The following EIF4G3 variants were observed in gnomAD, a reference collection of about 807,000 sequenced individuals.
EIF4G3 encodes the protein eukaryotic translation initiation factor 4 gamma 3, also known as eIF-4-gamma 3.
Under a neutral mutation model 186.4 loss-of-function variants are expected in EIF4G3, and 34 were observed. The observed-to-expected ratio is 0.18, with a 90% confidence interval of 0.14 to 0.24. EIF4G3 has a LOEUF of 0.24. Ranked by LOEUF, EIF4G3 falls within the 10% of genes least tolerant of loss-of-function variation. EIF4G3 has a pLI of 1.00. For synonymous variants in EIF4G3, 673 were observed against 679.5 expected, an observed-to-expected ratio of 0.99 and a Z score of 0.15; for missense variants, 1,536 against 1,948.5, an observed-to-expected ratio of 0.79 and a Z score of 3.99.
At chr1:20,808,016 T>C (rs533963630) in intron 36 of EIF4G3, among the ~76,000 whole-genome samples, 2 of 152,108 alleles carry the variant, frequency 1.3e-5, no homozygotes, top group East Asian at 3.9e-4. Context: ...CCCAAGTACC[T>C]GGGATTACAG....
intron 3 of EIF4G3, among the ~76,000 whole-genome samples, chr1:21,075,116 A>G (rs2095546739): frequency 6.6e-6 from 1 of 151,304 alleles, no homozygotes; most frequent in South Asian, 2.1e-4. Context: ...GATATACAAA[A>G]CAACAAGAAA....
At chr1:21,157,718 C>T (rs974565556) in intron 2 of EIF4G3, among the ~76,000 whole-genome samples, 4 of 152,170 alleles carry the variant, frequency 2.6e-5, no homozygotes, top group Non-Finnish European at 5.9e-5. Context: ...TAATTATTGA[C>T]TAAATAATTA....
At chr1:21,067,942 A>C (rs1043544550) in intron 3 of EIF4G3, among the ~76,000 whole-genome samples, 2 of 152,020 alleles carry the variant, frequency 1.3e-5, no homozygotes, top group African/African-American at 2.4e-5. Flanking sequence ...TAAACAAAAA[A>C]TAAAATAAAA....
At chr1:21,014,635 C>CT (rs35432782) in intron 4 of EIF4G3, among the ~76,000 whole-genome samples, 110,766 of 128,152 alleles carry the variant, frequency 0.86, 48,456 homozygotes, top group Middle Eastern at 0.93. Context: ...AGACAAACAC[C>CT]TTTTTTTTTT....
At chr1:20,929,559 A>G (rs1271830813) in intron 14 of EIF4G3, 1 of 152,242 alleles carries the variant, frequency 6.6e-6, no homozygotes, top group Admixed American at 6.5e-5. Context: ...GTATTAGCAG[A>G]GTTCAAAGGG....
chr1:21,051,363 G>T (rs1199430141), intron 3 of EIF4G3, among the ~76,000 whole-genome samples: 2 of 152,122 alleles, frequency 1.3e-5, no homozygotes, highest in African/African-American at 4.8e-5. Flanking sequence ...GACTACAGAA[G>T]AGGAACAAGG....
intron 2 of EIF4G3, among the ~76,000 whole-genome samples, chr1:21,124,307 G>A (rs1558072815): frequency 6.6e-6 from 1 of 150,720 alleles, no homozygotes; most frequent in Non-Finnish European, 1.5e-5. Flanking sequence ...AAAAATTCAA[G>A]GTGTAGTACA....
At chr1:20,955,712 G>A (rs923874502) in intron 12 of EIF4G3, among the ~76,000 whole-genome samples, 1 of 152,156 alleles carries the variant, frequency 6.6e-6, no homozygotes, top group Admixed American at 6.5e-5. Flanking sequence ...AACTGACTGG[G>A]CTTGATTAGG....
intron 3 of EIF4G3, among the ~76,000 whole-genome samples, chr1:21,053,416 T>G (rs1157108171): frequency 1.5e-5 from 2 of 137,540 alleles, no homozygotes; most frequent in Non-Finnish European, 1.5e-5. Context: ...GGAAGGGAGG[T>G]GGGGGGGTTA....
At chr1:21,113,840 C>A (rs2096770762) in intron 2 of EIF4G3, among the ~76,000 whole-genome samples, 1 of 152,090 alleles carries the variant, frequency 6.6e-6, no homozygotes, top group Admixed American at 6.6e-5. Context: ...CATGGTAAAA[C>A]CCCGTCTCTT....
intron 4 of EIF4G3, among the ~76,000 whole-genome samples, chr1:21,037,395 T>C (rs1328304451): frequency 2.6e-5 from 4 of 152,144 alleles, no homozygotes; most frequent in Non-Finnish European, 5.9e-5. Context: ...GGGGAAGCAG[T>C]TTGGCTGCTT....
intron 2 of EIF4G3, among the ~76,000 whole-genome samples, chr1:21,149,123 T>C (rs2097507890): frequency 6.6e-6 from 1 of 151,914 alleles, no homozygotes; most frequent in South Asian, 2.1e-4. Flanking sequence ...GAAATGTTAA[T>C]ATATCAATAT....
intron 4 of EIF4G3, among the ~76,000 whole-genome samples, chr1:21,038,068 GA>G (rs1461094813): frequency 2.0e-5 from 3 of 152,164 alleles, no homozygotes; most frequent in Non-Finnish European, 4.4e-5. Context: ...AAACACTACT[GA>G]AATCATCACC....
At chr1:21,171,993 C>T (rs955661965) in intron 2 of EIF4G3, among the ~76,000 whole-genome samples, 10 of 151,996 alleles carry the variant, frequency 6.6e-5, no homozygotes, top group African/African-American at 2.4e-4. Context: ...CAGGAAAAGA[C>T]CCACCACAGA....
chr1:20,867,471 G>A (rs1474744290), intron 20 of EIF4G3, among the ~76,000 whole-genome samples: 1 of 152,206 alleles, frequency 6.6e-6, no homozygotes, highest in African/African-American at 2.4e-5. Context: ...GCTCTGCCAT[G>A]TGACTTTGGC....
At chr1:20,830,017 T>G (rs2064684612) in intron 30 of EIF4G3, among the ~76,000 whole-genome samples, 1 of 152,218 alleles carries the variant, frequency 6.6e-6, no homozygotes, top group Non-Finnish European at 1.5e-5. Flanking sequence ...AAGACTTTGT[T>G]AATTATTTCC....
intron 2 of EIF4G3, among the ~76,000 whole-genome samples, chr1:21,131,180 C>T (rs1235120525): frequency 6.8e-6 from 1 of 147,240 alleles, no homozygotes; most frequent in African/African-American, 2.5e-5. Context: ...ATGGAGATTG[C>T]AGTGAGTCAA....
At chr1:21,136,512 G>A (rs1259390414) in intron 2 of EIF4G3, among the ~76,000 whole-genome samples, 4 of 151,336 alleles carry the variant, frequency 2.6e-5, no homozygotes, top group Non-Finnish European at 5.9e-5. Context: ...GCGAGACTCC[G>A]TATCAAAAAA....
chr1:21,122,187 A>G (rs1443780809), intron 2 of EIF4G3, among the ~76,000 whole-genome samples: 1 of 152,240 alleles, frequency 6.6e-6, no homozygotes, highest in Non-Finnish European at 1.5e-5. Flanking sequence ...GCTTAAAACA[A>G]TGACACATTT....
Sources: gnomAD v4.1 joint callset for allele counts (sites outside exome capture counted in the v4.1 genomes callset) on GRCh38, gnomAD v4.1.1 for gene constraint, MANE v1.5 for transcripts, NCBI Gene and HGNC (gene_info 2026-07-23, HGNC 2026-07-21) for gene names.